The following USP24 variants were observed in gnomAD, a reference collection of about 807,000 sequenced individuals.
USP24 encodes ubiquitin carboxyl-terminal hydrolase 24.
Under a neutral mutation model 361.6 loss-of-function variants are expected in USP24, and 97 were observed. The ratio of observed to expected loss-of-function variants is 0.27; its 90% confidence interval spans 0.23 to 0.32. The LOEUF is 0.32. USP24 is among the 10% of genes least tolerant of loss of function. The pLI is 1.00. For missense variants in USP24, 2,353 were observed against 3,165.6 expected (o/e 0.74, Z 6.16); for synonymous variants, 1,098 against 1,124.6 (o/e 0.98, Z 0.47).
intron 1 of USP24, among the ~76,000 whole-genome samples, chr1:55,206,352 TC>T (rs1166601865): frequency 3.9e-5 from 6 of 152,146 alleles, no homozygotes; most frequent in African/African-American, 1.4e-4. Flanking sequence ...AGACAAGTGT[TC>T]CGTACAGAGA....
chr1:55,150,681 G>A (rs1026151225), intron 16 of USP24, among the ~76,000 whole-genome samples: 3 of 152,068 alleles, frequency 2.0e-5, no homozygotes, highest in Non-Finnish European at 4.4e-5. Context: ...AAGGTAACTT[G>A]TTATACAATA....
At chr1:55,145,085 T>C (rs1352187551) in intron 20 of USP24, among the ~76,000 whole-genome samples, 2 of 152,164 alleles carry the variant, frequency 1.3e-5, no homozygotes, top group Non-Finnish European at 2.9e-5. Flanking sequence ...GATTACGAAA[T>C]AGCGTGGCAC....
At position 55,138,923 on chromosome 1, in the gene USP24, TA is replaced by T; in HGVS notation, c.2817+20del. 6.8e-6 allele frequency: 11 copies of T among 1,607,832 alleles called. No individual in the cohort carries two copies. Among genetic ancestry groups the T allele is most frequent in the African/African-American group, 1.3e-5 (1 of 74,636 alleles). ...AGTCCAGCCTAAGCAACATACATCT[TA>T]AAAAAAGGAAGTGGCTTACCTCTAT... On this transcript the variant is annotated intron_variant, in intron 25 of 67. Coordinates refer to ENST00000294383, the MANE Select transcript of USP24 (RefSeq NM_015306.3).
intron 23 of USP24, among the ~76,000 whole-genome samples, chr1:55,142,190 AGC>A (rs972734517): frequency 6.6e-6 from 1 of 152,168 alleles, no homozygotes; most frequent in African/African-American, 2.4e-5. Flanking sequence ...GTAAAACTTA[AGC>A]ATATCAACTG....
chr1:55,094,336 A>C (rs1645447126), intron 51 of USP24, among the ~76,000 whole-genome samples: 1 of 152,208 alleles, frequency 6.6e-6, no homozygotes, highest in Non-Finnish European at 1.5e-5. Flanking sequence ...TGCAGGGCAA[A>C]TTTAACACAA....
At chr1:55,144,651 T>C (rs1355073420) in intron 20 of USP24, among the ~76,000 whole-genome samples, 5 of 152,134 alleles carry the variant, frequency 3.3e-5, no homozygotes, top group Non-Finnish European at 7.4e-5. Flanking sequence ...ACCATTAGAT[T>C]TGGCCGGGTG....
intron 16 of USP24, among the ~76,000 whole-genome samples, chr1:55,150,808 A>C (rs2100728148): frequency 1.3e-5 from 2 of 152,350 alleles, no homozygotes; most frequent in Middle Eastern, 6.8e-3. Flanking sequence ...TGACGTGGTG[A>C]CAAGTTATAA....
chr1:55,213,005 T>C (rs1039625008), intron 1 of USP24, among the ~76,000 whole-genome samples: 1 of 152,240 alleles, frequency 6.6e-6, no homozygotes, highest in Non-Finnish European at 1.5e-5. Flanking sequence ...GCACCAAGCA[T>C]TGTAATTTAA....
intron 24 of USP24, among the ~76,000 whole-genome samples, chr1:55,140,395 TA>T (rs1646855101): frequency 6.6e-6 from 1 of 152,180 alleles, no homozygotes; most frequent in Non-Finnish European, 1.5e-5. Context: ...ATACACATTT[TA>T]AATGAAAGTC....
chr1:55,148,624 A>G lies in USP24; in HGVS notation c.1861-54T>C. ...AAATTTAGAAATAAACAGCAGATTC[A>G]TTTATTAGCTATAAAAAATTTCAAG... On this transcript the variant is annotated intron_variant, in intron 16 of 67. Coordinates refer to ENST00000294383, the MANE Select transcript of USP24 (RefSeq NM_015306.3). 2.3e-6 allele frequency: 3 copies of G among 1,304,810 alleles called. No homozygotes were observed. In the Middle Eastern group the frequency reaches 5.6e-4, roughly 243 times the overall value. 80.8% of individuals were successfully genotyped at this position (1,304,810 alleles called of 1,614,324 possible).
At chr1:55,085,844 T>C (rs1645238869) in intron 56 of USP24, 98 bp downstream of exon 56, 1 of 1,277,180 alleles carries the variant, frequency 7.8e-7, no homozygotes, top group African/African-American at 1.5e-5. Flanking sequence ...TGTGGCAAAA[T>C]TACCAGACTC....
intron 47 of USP24, 31 bp downstream of exon 47, chr1:55,097,912 T>A: frequency 1.3e-6 from 2 of 1,572,408 alleles, no homozygotes; most frequent in Non-Finnish European, 1.7e-6. Flanking sequence ...AACAAATTAA[T>A]CTTGTTTTTT....
chr1:55,088,674 G>A (rs111969916), intron 55 of USP24, among the ~76,000 whole-genome samples: 1 of 152,132 alleles, frequency 6.6e-6, no homozygotes, highest in Non-Finnish European at 1.5e-5. Context: ...GCAGAGTGAA[G>A]GAGGAGCCCA....
rs147964834 is a variant in USP24, at chr1:55,100,330, C to T, written c.5272-461G>A. 1.3e-4 allele frequency among the ~76,000 whole-genome samples: 20 copies of T among 152,256 alleles called. No individual in the cohort carries two copies. The East Asian group carries it at 3.9e-3, about 29-fold the overall frequency. Reference sequence around the variant, plus strand: ...TGACCAACACGGAGAAACCCCATCTCTACTGAAAACACAAAATTAGCCGGG... The same window carrying T: ...TGACCAACACGGAGAAACCCCATCTTTACTGAAAACACAAAATTAGCCGGG... On this transcript the variant is annotated intron_variant, in intron 44 of 67. Coordinates refer to ENST00000294383, the MANE Select transcript of USP24 (RefSeq NM_015306.3).
chr1:55,101,026 CAT>C, intron 43 of USP24, 62 bp from the exon 44 acceptor site: 1 of 1,573,748 alleles, frequency 6.4e-7, no homozygotes, highest in Non-Finnish European at 8.6e-7. Flanking sequence ...GAAACTCTGA[CAT>C]ATGTACATGT....
intron 6 of USP24, 67 bp from the exon 7 acceptor site, chr1:55,166,017 A>G (rs1288391620): frequency 1.4e-6 from 2 of 1,467,108 alleles, no homozygotes; most frequent in Non-Finnish European, 9.3e-7. Context: ...AAAAATTTCT[A>G]TTGGTACATA....
At chr1:55,176,231 T>A in intron 3 of USP24, 145 bp downstream of exon 3, 1 of 551,098 alleles carries the variant, frequency 1.8e-6, no homozygotes, top group East Asian at 3.2e-5. Context: ...GTTCCGTTTT[T>A]CATATTAGAG....
intron 5 of USP24, among the ~76,000 whole-genome samples, chr1:55,169,384 C>T (rs1429859724): frequency 1.3e-5 from 2 of 151,870 alleles, no homozygotes; most frequent in African/African-American, 4.8e-5. Flanking sequence ...AGAAGAGAGA[C>T]TAATGGGGAA....
chr1:55,192,177 T>C (rs76541793), intron 1 of USP24, among the ~76,000 whole-genome samples: 6 of 152,166 alleles, frequency 3.9e-5, no homozygotes, highest in South Asian at 2.1e-4. Context: ...AGTACCCTTA[T>C]TTTTTTAAAG....
Sources: gnomAD v4.1 joint callset for allele counts (sites outside exome capture counted in the v4.1 genomes callset) on GRCh38, gnomAD v4.1.1 for gene constraint, MANE v1.5 for transcripts, NCBI Gene and HGNC (gene_info 2026-07-23, HGNC 2026-07-21) for gene names.